The following SLC25A26 variants were observed in gnomAD, a reference collection of about 807,000 sequenced individuals.
SLC25A26 encodes solute carrier family 25 member 26.
In SLC25A26, 36 loss-of-function variants were observed where a neutral mutation model predicts 37.8. The ratio of observed to expected loss-of-function variants is 0.95; its 90% CI spans 0.73 to 1.26. SLC25A26 has a LOEUF of 1.26. Among genes scored for constraint, SLC25A26 ranks in the 50% most tolerant of loss-of-function variants. The pLI is 0.00. For synonymous variants in SLC25A26, 129 were observed against 122.5 expected (o/e 1.05, Z -0.35); for missense variants, 390 against 331.1 (o/e 1.18, Z -1.38).
intron 5 of SLC25A26, chr3:66,293,316 C>T (rs2074779579): frequency 6.6e-6 from 1 of 151,972 alleles, no homozygotes; most frequent in South Asian, 2.1e-4. Flanking sequence ...CCTGGGCTTT[C>T]TTCATGAAAT....
chr3:66,347,624 G>T (rs2076356089), intron 6 of SLC25A26, among the ~76,000 whole-genome samples: 1 of 152,152 alleles, frequency 6.6e-6, no homozygotes, highest in Non-Finnish European at 1.5e-5. Context: ...CCATTACTGG[G>T]TATATACCCA....
chr3:66,286,242 T>C (rs2074507701), intron 5 of SLC25A26, among the ~76,000 whole-genome samples: 1 of 152,192 alleles, frequency 6.6e-6, no homozygotes. Context: ...AATTGTACTT[T>C]GGATGTCATC....
At chr3:66,335,067 G>A (rs1279130710) in intron 5 of SLC25A26, among the ~76,000 whole-genome samples, 2 of 152,200 alleles carry the variant, frequency 1.3e-5, no homozygotes, top group African/African-American at 4.8e-5. Context: ...GTGTTTACAA[G>A]TTATATAATA....
At chr3:66,329,728 A>C (rs140551575) in intron 5 of SLC25A26, among the ~76,000 whole-genome samples, 1 of 151,998 alleles carries the variant, frequency 6.6e-6, no homozygotes, top group Non-Finnish European at 1.5e-5. Context: ...ACTTTATTCA[A>C]TTTTACTTAT....
In SLC25A26 at chr3:66,199,946, T is replaced by C. The variant is rs1035291705; in HGVS notation, c.-353-20796T>C. Among the ~76,000 whole-genome samples, 145 of 152,292 alleles carry C rather than the reference T, an allele frequency of 9.5e-4. 2 individuals are homozygous for C. Among genetic ancestry groups the C allele is most frequent in the African/African-American group, 3.1e-3 (129 of 41,578 alleles). ...ATCACTAAGCTGAGTATGACCATGA[T>C]CTATGCACACACATTCTAGTTTCAT... On this transcript the variant is annotated intron_variant, in intron 1 of 10. Coordinates refer to the SLC25A26 transcript ENST00000676754.
chr3:66,333,325 T>C (rs2076020801), intron 5 of SLC25A26, among the ~76,000 whole-genome samples: 1 of 152,248 alleles, frequency 6.6e-6, no homozygotes, highest in Non-Finnish European at 1.5e-5. Flanking sequence ...TTATCTTTTC[T>C]GTCGTCATTT....
At chr3:66,140,673 T>C (rs1434655272) in intron 1 of SLC25A26, among the ~76,000 whole-genome samples, 3 of 152,236 alleles carry the variant, frequency 2.0e-5, no homozygotes, top group Admixed American at 6.5e-5. Context: ...TAAGTAAAAC[T>C]ACCTTATCGG....
At chr3:66,343,886 G>A (rs974460659) in intron 5 of SLC25A26, among the ~76,000 whole-genome samples, 3 of 152,166 alleles carry the variant, frequency 2.0e-5, no homozygotes, top group Admixed American at 6.5e-5. Context: ...TATAATGCTT[G>A]AGTTTCAGAA....
chr3:66,179,779 G>A (rs1351059023), intron 1 of SLC25A26, among the ~76,000 whole-genome samples: 4 of 151,886 alleles, frequency 2.6e-5, no homozygotes, highest in African/African-American at 9.7e-5. Context: ...TAAATCCAGA[G>A]TTTGGAGTCT....
chr3:66,170,808 T>G (rs961198819), intron 1 of SLC25A26, among the ~76,000 whole-genome samples: 9 of 131,798 alleles, frequency 6.8e-5, no homozygotes, highest in East Asian at 2.2e-4. Flanking sequence ...TTTTTTTTTT[T>G]TTTTTTTTTT....
At chr3:66,375,171 C>T (rs937949552) in intron 9 of SLC25A26, among the ~76,000 whole-genome samples, 2 of 152,232 alleles carry the variant, frequency 1.3e-5, no homozygotes, top group South Asian at 2.1e-4. Flanking sequence ...GGCATTAACT[C>T]TCTTCCCTGA....
At chr3:66,184,587 G>GCTCACCTTGAGTTTACTATGTATTACATA (rs2070783407) in intron 1 of SLC25A26, among the ~76,000 whole-genome samples, 1 of 152,270 alleles carries the variant, frequency 6.6e-6, no homozygotes, top group Non-Finnish European at 1.5e-5. Context: ...ACCTGACTCT[G>GCTCACCTTGAGTTTACTATGTATTACATA]CTCACCTTGA....
At chr3:66,351,511 A>G (rs918285580) in intron 6 of SLC25A26, among the ~76,000 whole-genome samples, 6 of 152,104 alleles carry the variant, frequency 3.9e-5, no homozygotes, top group African/African-American at 1.4e-4. Flanking sequence ...TTGCTATTCT[A>G]TCTTATCCTT....
intron 5 of SLC25A26, among the ~76,000 whole-genome samples, chr3:66,270,539 A>C (rs2073922681): frequency 1.3e-5 from 2 of 152,202 alleles, no homozygotes; most frequent in Admixed American, 1.3e-4. Flanking sequence ...GTAAATGTGT[A>C]ATGAGACATT....
chr3:66,289,567 T>C (rs938146418), intron 5 of SLC25A26, among the ~76,000 whole-genome samples: 6 of 152,236 alleles, frequency 3.9e-5, no homozygotes, highest in African/African-American at 1.4e-4. Context: ...CAACACCATT[T>C]ACTAAGTAGG....
intron 5 of SLC25A26, among the ~76,000 whole-genome samples, chr3:66,324,435 A>G (rs1297674285): frequency 6.6e-6 from 1 of 152,098 alleles, no homozygotes; most frequent in Admixed American, 6.6e-5. Context: ...CACCAGTCTT[A>G]GGTCTTACAA....
chr3:66,211,062 A>G (rs2071278555), intron 1 of SLC25A26, among the ~76,000 whole-genome samples: 1 of 152,222 alleles, frequency 6.6e-6, no homozygotes, highest in South Asian at 2.1e-4. Flanking sequence ...TCTTGTAATT[A>G]TTTGGGGAAT....
chr3:66,360,492 T>C (rs1319669128), intron 6 of SLC25A26, among the ~76,000 whole-genome samples: 2 of 152,090 alleles, frequency 1.3e-5, no homozygotes, highest in African/African-American at 4.8e-5. Flanking sequence ...TGTCGAAAAT[T>C]TGATGAGCTT....
chr3:66,150,655 T>TATATATATATA (rs2070194995), intron 1 of SLC25A26, among the ~76,000 whole-genome samples: 1 of 81,908 alleles, frequency 1.2e-5, no homozygotes, highest in Non-Finnish European at 2.2e-5. Context: ...TATATATATA[T>TATATATATATA]CATGGCACTT....
Sources: allele counts gnomAD v4.1 joint callset (sites outside exome capture counted in the v4.1 genomes callset), GRCh38; gene constraint gnomAD v4.1.1; transcripts MANE v1.5; gene names NCBI Gene and HGNC (gene_info 2026-07-23, HGNC 2026-07-21).